Variants in GLIS3 observed in about 807,000 individuals in gnomAD.
GLIS3 encodes GLIS family zinc finger 3.
Under a neutral mutation model 78.6 loss-of-function variants are expected in GLIS3, and 53 were observed. The ratio of observed to expected loss-of-function variants is 0.67; its 90% CI spans 0.54 to 0.85. The LOEUF (loss-of-function observed/expected upper bound fraction) is 0.85. Among genes scored for constraint, GLIS3 ranks in the 40% least tolerant of loss-of-function variants. The pLI is 0.00. For missense variants in GLIS3, 1,703 were observed against 1,231.1 expected (o/e 1.38, Z -5.74); for synonymous variants, 684 against 509.9 (o/e 1.34, Z -4.60).
chr9:3,850,720 G>C (rs969807476), intron 9 of GLIS3, among the ~76,000 whole-genome samples: 1 of 152,134 alleles, frequency 6.6e-6, no homozygotes, highest in Admixed American at 6.5e-5. Context: ...GGCCTTGTGA[G>C]TTCTCCATTC....
intron 4 of GLIS3, among the ~76,000 whole-genome samples, chr9:3,966,577 C>T (rs1476417909): frequency 6.6e-6 from 1 of 152,010 alleles, no homozygotes; most frequent in Non-Finnish European, 1.5e-5. Context: ...AGGCCAATCA[C>T]CTGAGGTCAG....
At chr9:4,332,567 A>G (rs1213987738) in intron 2 of GLIS3, among the ~76,000 whole-genome samples, 1 of 152,250 alleles carries the variant, frequency 6.6e-6, no homozygotes, top group Non-Finnish European at 1.5e-5. Context: ...GAAGCTCCAC[A>G]TTGAAGACAG....
intron 2 of GLIS3, among the ~76,000 whole-genome samples, chr9:4,254,985 C>G (rs796763425): frequency 1.1e-4 from 16 of 152,080 alleles, no homozygotes; most frequent in African/African-American, 3.6e-4. Flanking sequence ...ATTTAAATAT[C>G]CAAAATATAT....
chr9:3,978,921 A>G (rs141959817), intron 4 of GLIS3, among the ~76,000 whole-genome samples: 1 of 152,318 alleles, frequency 6.6e-6, no homozygotes, highest in Non-Finnish European at 1.5e-5. Flanking sequence ...AAAATACAGT[A>G]TAACAACTAT....
intron 6 of GLIS3, among the ~76,000 whole-genome samples, chr9:3,904,580 G>C (rs747793283): frequency 1.8e-4 from 28 of 152,244 alleles, no homozygotes; most frequent in Non-Finnish European, 3.2e-4. Flanking sequence ...ACTACCATAT[G>C]ACCGTTTGTT....
At position 4,118,085 on chromosome 9, in the gene GLIS3, G is replaced by A. The variant is rs1159584371; in HGVS notation, c.1393C>T (p.His465Tyr). 1.9e-6 allele frequency: 3 copies of A among 1,566,780 alleles called. No individual in the cohort carries two copies. The South Asian group carries it at 3.6e-5, about 19-fold the overall frequency. The change falls in exon 4 of 11, where the codon CAT becomes TAT. Residue 465 changes from histidine to tyrosine, a missense_variant. Transcript: ENST00000381971. The surrounding 1 kb of genome is among the most constrained non-coding windows in gnomAD (Gnocchi z 4.7). ...PPGPPPPYHA[H>Y]AHLHHPELGP... ...AGCTCCGGGTGGTGAAGGTGCGCATGGGCATGGTAAGGGGGTGGGGGGCCT... is the reference window on the plus strand; with the variant it reads ...AGCTCCGGGTGGTGAAGGTGCGCATAGGCATGGTAAGGGGGTGGGGGGCCT...
At chr9:4,157,524 G>C (rs898145245) in intron 2 of GLIS3, among the ~76,000 whole-genome samples, 6 of 152,106 alleles carry the variant, frequency 3.9e-5, no homozygotes, top group Admixed American at 2.0e-4. Context: ...ACCAGGGAAC[G>C]ATCTATCATT....
upstream of GLIS3, among the ~76,000 whole-genome samples, chr9:4,350,652 A>G (rs920927898): frequency 3.9e-5 from 6 of 152,204 alleles, no homozygotes; most frequent in Non-Finnish European, 8.8e-5. Context: ...ATTGGACAAA[A>G]AGACCCCACC....
chr9:4,092,951 T>A (rs1015849654), intron 4 of GLIS3, among the ~76,000 whole-genome samples: 13 of 152,188 alleles, frequency 8.5e-5, no homozygotes, highest in Admixed American at 7.9e-4. Context: ...CCCATGCACG[T>A]GAATAATGAA....
At chr9:4,475,384 A>C in the GLIS3 span, among the ~76,000 whole-genome samples, 12 of 152,274 alleles carry the variant, frequency 7.9e-5, no homozygotes, top group East Asian at 1.9e-4. Flanking sequence ...CATTTCATTT[A>C]ATTTTTCCAG....
chr9:4,426,750 G>A, the GLIS3 span, among the ~76,000 whole-genome samples: 53 of 152,294 alleles, frequency 3.5e-4, no homozygotes, highest in Non-Finnish European at 6.0e-4. Flanking sequence ...TGACCTTGTG[G>A]ATGTTTAACT....
intron 4 of GLIS3, among the ~76,000 whole-genome samples, chr9:4,103,330 AC>A (rs1319081028): frequency 1.3e-5 from 2 of 152,054 alleles, no homozygotes; most frequent in Admixed American, 6.6e-5. Flanking sequence ...AACCCATAAG[AC>A]CTTCCAGCCA....
intron 4 of GLIS3, among the ~76,000 whole-genome samples, chr9:4,116,402 C>G (rs546469431): frequency 4.6e-5 from 7 of 152,340 alleles, no homozygotes; most frequent in African/African-American, 1.2e-4. Context: ...ATTCTTTTCA[C>G]TCATATAACC....
rs1405115189 is a variant in GLIS3 at position 4,118,616 on chromosome 9, G to A, written c.862C>T (p.His288Tyr). The A allele has an allele frequency of 6.2e-7, 1 of 1,614,232 alleles. No homozygotes were observed. Among genetic ancestry groups the A allele is most frequent in the Non-Finnish European group, 8.5e-7 (1 of 1,180,046 alleles). The change falls in exon 4 of 11, where the codon CAC becomes TAC. Residue 288 changes from histidine to tyrosine, a missense_variant. By Grantham distance (83) the His-to-Tyr change is moderately conservative. Transcript: ENST00000381971. The surrounding 1 kb of genome is among the most constrained non-coding windows in gnomAD (Gnocchi z 4.7). Reference protein sequence around the residue: ...SSHSPYPSPRHSSTRSHSARS... With the variant: ...SSHSPYPSPRYSSTRSHSARS... ...GCCGAGTGGGACCTGGTGGATGAGT[G>A]CCGAGGACTAGGGTAAGGAGAGTGG...
intron 4 of GLIS3, among the ~76,000 whole-genome samples, chr9:4,022,534 A>G (rs1268329469): frequency 6.6e-6 from 1 of 152,190 alleles, no homozygotes; most frequent in Non-Finnish European, 1.5e-5. Context: ...TAAAAAGTTA[A>G]ACATAAGCCT....
At chr9:4,152,701 A>G (rs1054817093) in intron 2 of GLIS3, among the ~76,000 whole-genome samples, 2 of 152,256 alleles carry the variant, frequency 1.3e-5, no homozygotes, top group Non-Finnish European at 2.9e-5. Flanking sequence ...GTTATAAACG[A>G]AAATTCAATA....
chr9:3,954,425 A>G (rs1396730030), intron 4 of GLIS3, among the ~76,000 whole-genome samples: 7 of 152,240 alleles, frequency 4.6e-5, no homozygotes, highest in Admixed American at 4.6e-4. Context: ...TTTCCTTAGC[A>G]CAAAGTGCAG....
At chr9:4,219,601 T>G (rs1821141942) in intron 2 of GLIS3, among the ~76,000 whole-genome samples, 1 of 151,618 alleles carries the variant, frequency 6.6e-6, no homozygotes, top group Admixed American at 6.5e-5. Context: ...CTCATACCCA[T>G]AGTGAACAGA....
chr9:3,947,312 C>T (rs535051529), intron 4 of GLIS3, among the ~76,000 whole-genome samples: 94 of 152,274 alleles, frequency 6.2e-4, no homozygotes, highest in Non-Finnish European at 1.1e-3. Context: ...ATGGTGTTTC[C>T]CAAAACGATT....
Sources: allele counts gnomAD v4.1 joint callset (sites outside exome capture counted in the v4.1 genomes callset), GRCh38; gene constraint gnomAD v4.1.1; non-coding constraint Gnocchi (gnomAD v3.1); transcripts MANE v1.5; gene names NCBI Gene and HGNC (gene_info 2026-07-23, HGNC 2026-07-21).